Variants in FAM53A observed in about 807,000 individuals in gnomAD.
FAM53A encodes the protein family with sequence similarity 53 member A.
A neutral mutation model predicts 26.6 loss-of-function variants in FAM53A; 28 were observed. The ratio of observed to expected loss-of-function variants is 1.05; its 90% confidence interval spans 0.78 to 1.45. The LOEUF is 1.45. Ranked by LOEUF, FAM53A falls within the 40% of genes most tolerant of loss-of-function variation. The pLI is 0.00. For synonymous variants in FAM53A, 290 were observed against 253.1 expected (o/e 1.15, Z -1.38); for missense variants, 650 against 575.8 (o/e 1.13, Z -1.32).
Position 1,634,589 on chromosome 4 carries a change from T to C in FAM53A, c.432-16478A>G, listed in dbSNP as rs77080339. Among the ~76,000 whole-genome samples, 1,089 of 152,258 alleles carry C rather than the reference T, an allele frequency of 7.2e-3. 11 individuals carry two copies. The highest frequency in any genetic ancestry group is 0.024 in the African/African-American group (986 of 41,540). ...GGAATTTCCTCCCTTATGCATTTTG[T>C]GGAGGTTGTCTATAAAATCATCTGG... On this transcript the variant is annotated intron_variant, in intron 1 of 1. Transcript: ENST00000489029.
intron 1 of FAM53A, among the ~76,000 whole-genome samples, chr4:1,622,683 G>C (rs1715096943): frequency 6.6e-6 from 1 of 152,220 alleles, no homozygotes; most frequent in Non-Finnish European, 1.5e-5. Flanking sequence ...CTCGCTCGGG[G>C]AGGGAGGTCG....
intron 1 of FAM53A, 98 bp downstream of exon 1, chr4:1,684,135 C>T (rs1715646762): frequency 6.6e-6 from 1 of 151,846 alleles, no homozygotes. Flanking sequence ...CCGCGCCCTC[C>T]ACGTGCCGCG....
At chr4:1,636,973 G>A (rs891804532), downstream of FAM53A, among the ~76,000 whole-genome samples, 2 of 152,056 alleles carry the variant, frequency 1.3e-5, no homozygotes, top group Non-Finnish European at 2.9e-5. Flanking sequence ...CCTCCCCCCA[G>A]GGCACTGGCT....
upstream of FAM53A, among the ~76,000 whole-genome samples, chr4:1,685,936 A>G (rs1376126300): frequency 6.6e-6 from 1 of 152,200 alleles, no homozygotes; most frequent in Non-Finnish European, 1.5e-5. Flanking sequence ...AACCACTTCA[A>G]ATCACAAACG....
chr4:1,583,856 C>A, the FAM53A span, among the ~76,000 whole-genome samples: 1 of 152,230 alleles, frequency 6.6e-6, no homozygotes, highest in African/African-American at 2.4e-5. Context: ...GGGAACTATA[C>A]AATTATCTAA....
In FAM53A at chr4:1,655,451, A is replaced by G. The variant is rs1713273277; in HGVS notation, c.409T>C (p.Trp137Arg). The G allele has an allele frequency of 6.5e-7, 1 of 1,539,858 alleles. No individual in the cohort carries two copies. The highest frequency in any genetic ancestry group is 1.7e-4 in the Middle Eastern group (1 of 5,764). Residue 137 changes from tryptophan (W) to arginine (R), a missense_variant, in exon 4 of 5, where the codon TGG (tryptophan) becomes CGG (arginine). Coordinates refer to ENST00000308132, the MANE Select transcript of FAM53A (RefSeq NM_001174070.3). ...PEELVRCRSP[W>R]RPGSSKVWTP... ...CAGACCTTGGAGCTGCCGGGGCGCCAGGGGGACCGGCAGCGCACAAGCTCC... is the reference window on the plus strand; with the variant it reads ...CAGACCTTGGAGCTGCCGGGGCGCCGGGGGGACCGGCAGCGCACAAGCTCC...
chr4:1,668,044 C>T (rs1411034495), intron 2 of FAM53A, among the ~76,000 whole-genome samples: 2 of 152,160 alleles, frequency 1.3e-5, no homozygotes, highest in Non-Finnish European at 2.9e-5. Flanking sequence ...CAGTCTGCTG[C>T]TTGATTGGAT....
chr4:1,642,961 C>T (rs551585137), intron 4 of FAM53A, among the ~76,000 whole-genome samples: 125 of 152,352 alleles, frequency 8.2e-4, no homozygotes, highest in African/African-American at 2.8e-3. Context: ...ACAGCACCCT[C>T]GGCCACCTAA....
chr4:1,574,382 C>CAACCA, the FAM53A span: 1 of 152,550 alleles, frequency 6.6e-6, no homozygotes, highest in Non-Finnish European at 1.5e-5. Flanking sequence ...CAGGGCCGGA[C>CAACCA]TGGTGCCCTC....
downstream of FAM53A, among the ~76,000 whole-genome samples, chr4:1,616,459 G>GTGTCA (rs1483697215): frequency 6.6e-6 from 1 of 152,166 alleles, no homozygotes; most frequent in Non-Finnish European, 1.5e-5. Flanking sequence ...TCCAGCCCGG[G>GTGTCA]TGTCACAGTG....
chr4:1,595,760 A>G, the FAM53A span, among the ~76,000 whole-genome samples: 3 of 152,194 alleles, frequency 2.0e-5, no homozygotes, highest in Admixed American at 1.3e-4. Flanking sequence ...CAGAATTGCA[A>G]CTCAGTCCAG....
intron 1 of FAM53A, among the ~76,000 whole-genome samples, chr4:1,672,653 G>C (rs1314241945): frequency 6.6e-6 from 1 of 151,578 alleles, no homozygotes; most frequent in Non-Finnish European, 1.5e-5. Context: ...AGGAAAAACA[G>C]TAACAGCAGG....
intron 2 of FAM53A, among the ~76,000 whole-genome samples, chr4:1,660,481 C>T (rs1234569153): frequency 6.6e-6 from 1 of 151,574 alleles, no homozygotes; most frequent in Non-Finnish European, 1.5e-5. Flanking sequence ...TCCAGCTACT[C>T]AAGAGGCTGA....
At position 1,661,490 on chromosome 4, in the gene FAM53A, T is replaced by A. The variant is rs184225332; in HGVS notation, c.76-4022A>T. Among the ~76,000 whole-genome samples the A allele has an allele frequency of 8.3e-4, 127 of 152,292 alleles. 1 individual carries two copies. The highest frequency in any genetic ancestry group is 6.8e-3 in the Middle Eastern group (2 of 294). On this transcript the variant is annotated intron_variant, in intron 2 of 4. Transcript: ENST00000308132. The stretch of plus-strand genomic sequence containing the variant: ...AGCACAGACGCCCCAACGCGCTGAA[T>A]GACCTTCACACGTGACCTTCAGGCC...
chr4:1,675,740 C>G (rs1714998206), intron 1 of FAM53A, among the ~76,000 whole-genome samples: 1 of 152,206 alleles, frequency 6.6e-6, no homozygotes, highest in Non-Finnish European at 1.5e-5. Flanking sequence ...CTCTGGCCCC[C>G]AGAAACAGCC....
intron 1 of FAM53A, among the ~76,000 whole-genome samples, chr4:1,678,555 C>T (rs1369191769): frequency 1.3e-5 from 2 of 152,166 alleles, no homozygotes; most frequent in African/African-American, 4.8e-5. Flanking sequence ...GGTGCGGTGG[C>T]CCACGCCTGT....
intron 1 of FAM53A, among the ~76,000 whole-genome samples, chr4:1,669,877 A>C (rs1714504657): frequency 6.6e-6 from 1 of 152,354 alleles, no homozygotes; most frequent in East Asian, 1.9e-4. Flanking sequence ...CGGAACGTCC[A>C]CACAACCTCC....
the FAM53A span, among the ~76,000 whole-genome samples, chr4:1,594,603 G>A: frequency 5.9e-5 from 9 of 152,246 alleles, no homozygotes; most frequent in African/African-American, 1.9e-4. Context: ...AGCACTTTGG[G>A]AGACCAAGGC....
chr4:1,643,023 C>G (rs2108814415), intron 4 of FAM53A, among the ~76,000 whole-genome samples: 1 of 152,344 alleles, frequency 6.6e-6, no homozygotes, highest in South Asian at 2.1e-4. Context: ...CAAGAAACTC[C>G]CCAAATCACC....
Sources: allele counts gnomAD v4.1 joint callset (sites outside exome capture counted in the v4.1 genomes callset), GRCh38; gene constraint gnomAD v4.1.1; transcripts MANE v1.5; gene names NCBI Gene and HGNC (gene_info 2026-07-23, HGNC 2026-07-21).